IQCM: variants seen among roughly 807,000 people sequenced by gnomAD.
IQCM encodes IQ domain-containing protein M.
A neutral mutation model predicts 57.6 loss-of-function variants in IQCM; 45 were observed. The ratio of observed to expected loss-of-function variants is 0.78; its 90% confidence interval spans 0.62 to 1.00. The LOEUF (loss-of-function observed/expected upper bound fraction) is 1.00. IQCM is among the 50% of genes least tolerant of loss of function. The pLI, the probability that IQCM is intolerant of heterozygous loss-of-function variation, is 0.00. For synonymous variants in IQCM, 148 were observed against 158.9 expected (o/e 0.93, Z 0.51); for missense variants, 468 against 511.6 (o/e 0.91, Z 0.82).
intron 8 of IQCM, among the ~76,000 whole-genome samples, chr4:149,596,710 C>T (rs1055528024): frequency 2.0e-5 from 3 of 151,940 alleles, no homozygotes; most frequent in Non-Finnish European, 4.4e-5. Context: ...GACAATATAC[C>T]ATTTACCTAG....
chr4:149,669,162 G>C (rs934955117), intron 7 of IQCM, among the ~76,000 whole-genome samples: 8 of 152,112 alleles, frequency 5.3e-5, no homozygotes, highest in African/African-American at 1.9e-4. Flanking sequence ...ACTTTTTCAT[G>C]ATCGCCATTC....
intron 8 of IQCM, among the ~76,000 whole-genome samples, chr4:149,601,688 G>C (rs1433186913): frequency 6.6e-6 from 1 of 152,092 alleles, no homozygotes; most frequent in Non-Finnish European, 1.5e-5. Flanking sequence ...TTTTATGAAA[G>C]TATATGTTTT....
intron 12 of IQCM, among the ~76,000 whole-genome samples, chr4:149,461,233 CAAA>C (rs61429806): frequency 8.9e-4 from 64 of 71,904 alleles, no homozygotes; most frequent in African/African-American, 3.4e-3. Context: ...AACTCCATCT[CAAA>C]AAAAAAAAAA....
At chr4:149,760,745 T>G (rs1411368731) in intron 2 of IQCM, among the ~76,000 whole-genome samples, 4 of 152,088 alleles carry the variant, frequency 2.6e-5, no homozygotes, top group Non-Finnish European at 5.9e-5. Flanking sequence ...GTATATAAAA[T>G]TACAAAGTCA....
At chr4:149,783,502 C>T (rs896031679) in intron 2 of IQCM, among the ~76,000 whole-genome samples, 1 of 152,124 alleles carries the variant, frequency 6.6e-6, no homozygotes, top group Non-Finnish European at 1.5e-5. Context: ...CATATAGCAA[C>T]AAGAATAATC....
intron 12 of IQCM, among the ~76,000 whole-genome samples, chr4:149,546,434 C>T (rs1267105518): frequency 6.6e-6 from 1 of 152,186 alleles, no homozygotes; most frequent in Non-Finnish European, 1.5e-5. Flanking sequence ...ACAGTCCCAC[C>T]AACAGTGTAA....
chr4:149,352,102 T>C, intron 13 of IQCM, 36 bp from the exon 14 acceptor site: 1 of 398,858 alleles, frequency 2.5e-6, no homozygotes, highest in Non-Finnish European at 4.4e-6. Flanking sequence ...TTAATATATT[T>C]TCAATTAATA....
At chr4:149,541,731 C>A (rs1478477282) in intron 12 of IQCM, among the ~76,000 whole-genome samples, 1 of 151,418 alleles carries the variant, frequency 6.6e-6, no homozygotes, top group Non-Finnish European at 1.5e-5. Context: ...TCCTCAGTCA[C>A]AAATTTTTTT....
At chr4:149,553,065 A>G in intron 11 of IQCM, 78 bp downstream of exon 11, 1 of 1,058,988 alleles carries the variant, frequency 9.4e-7, no homozygotes, top group Non-Finnish European at 1.2e-6. Context: ...TGCTTTCTAC[A>G]GGTAATTATA....
chr4:149,556,577 C>G (rs752749712), intron 10 of IQCM, among the ~76,000 whole-genome samples: 5 of 147,414 alleles, frequency 3.4e-5, no homozygotes, highest in Non-Finnish European at 6.0e-5. Context: ...ATGAAAATAT[C>G]AAAAAAATCT....
intron 13 of IQCM, among the ~76,000 whole-genome samples, chr4:149,399,073 A>G (rs1188398515): frequency 6.6e-6 from 1 of 151,992 alleles, no homozygotes; most frequent in Non-Finnish European, 1.5e-5. Context: ...CTTATTTCCA[A>G]TCTTTTGCTG....
chr4:149,528,101 G>T (rs147465812), intron 12 of IQCM, among the ~76,000 whole-genome samples: 1 of 151,204 alleles, frequency 6.6e-6, no homozygotes, highest in Non-Finnish European at 1.5e-5. Context: ...TTCTCGTGCC[G>T]CAGCCTCCTG....
At chr4:149,751,573 T>C (rs1235632875) in intron 2 of IQCM, among the ~76,000 whole-genome samples, 1 of 152,162 alleles carries the variant, frequency 6.6e-6, no homozygotes, top group African/African-American at 2.4e-5. Context: ...TAGACTAAGC[T>C]CTTTCATCTG....
At chr4:149,757,349 AAATT>A (rs1467092275) in intron 2 of IQCM, among the ~76,000 whole-genome samples, 2 of 150,782 alleles carry the variant, frequency 1.3e-5, no homozygotes, top group Non-Finnish European at 3.0e-5. Flanking sequence ...AAATAAATAT[AAATT>A]AATAAGTACA....
chr4:149,705,623 G>A (rs1764099510), intron 5 of IQCM, among the ~76,000 whole-genome samples: 1 of 151,776 alleles, frequency 6.6e-6, no homozygotes, highest in Non-Finnish European at 1.5e-5. Context: ...CATAAATAAT[G>A]AATAGCAAAG....
chr4:149,758,858 C>T (rs1252763268), intron 2 of IQCM, among the ~76,000 whole-genome samples: 1 of 152,120 alleles, frequency 6.6e-6, no homozygotes, highest in South Asian at 2.1e-4. Flanking sequence ...GGTGGGAATG[C>T]GAAATGATAC....
At chr4:149,372,042 T>A (rs1398229626) in intron 13 of IQCM, among the ~76,000 whole-genome samples, 2 of 152,204 alleles carry the variant, frequency 1.3e-5, no homozygotes, top group Non-Finnish European at 2.9e-5. Flanking sequence ...TGATAAGTAC[T>A]TTAATTATCC....
chr4:149,411,392 A>G (rs1173952705), intron 13 of IQCM, among the ~76,000 whole-genome samples: 1 of 152,172 alleles, frequency 6.6e-6, no homozygotes, highest in Non-Finnish European at 1.5e-5. Flanking sequence ...TCAGTAAAAG[A>G]GCTAGTTGTA....
chr4:149,735,421 T>C lies in IQCM; in HGVS notation c.75A>G (p.Gln25=), dbSNP rs1175734454. The change falls in exon 4 of 14, where the codon CAA becomes CAG. Residue 25 remains glutamine (Q), a synonymous_variant. Coordinates refer to ENST00000636793, the MANE Select transcript of IQCM (RefSeq NM_001363507.2). ...GTTGGGCAATGAGAGTTTTTGCTTC[T>C]TGAAAAAAGTCTTGCTTGGTGATCT... The part of the protein sequence containing the change: ...TLEITKQDFF[Q]EAKTLIAQHY... 2.0e-5 allele frequency: 25 copies of C among 1,227,616 alleles called. No individual in the cohort carries two copies. Among genetic ancestry groups the C allele is most frequent in the Non-Finnish European group, 2.1e-5 (21 of 984,170 alleles). The allele number at this position is 1,227,616 out of a possible 1,614,324, so 76.0% of individuals were successfully genotyped here.
Sources: allele counts gnomAD v4.1 joint callset (sites outside exome capture counted in the v4.1 genomes callset), GRCh38; gene constraint gnomAD v4.1.1; transcripts MANE v1.5; gene names NCBI Gene and HGNC (gene_info 2026-07-23, HGNC 2026-07-21).